The following ZFP1 variants were observed in gnomAD, a reference collection of about 807,000 sequenced individuals.
ZFP1 encodes the protein ZFP1 zinc finger protein, also known as zinc finger protein 1 homolog.
Under a neutral mutation model 38.5 loss-of-function variants are expected in ZFP1, and 32 were observed. That is an observed-to-expected ratio of 0.83 (90% CI 0.63 to 1.12). The LOEUF is 1.12. Among genes scored for constraint, ZFP1 ranks in the 50% most tolerant of loss-of-function variants. The pLI is 0.00. For missense variants in ZFP1, 616 were observed against 480.8 expected (o/e 1.28, Z -2.63); for synonymous variants, 245 against 168.8 (o/e 1.45, Z -3.50).
chr16:75,170,645 C>A lies in ZFP1; in HGVS notation c.*311C>A. The stretch of plus-strand genomic sequence containing the variant: ...GCATAAGAAATATACAAACAGTATC[C>A]TATGAATTTAGTGGTTTTATGTGGA... On this transcript the variant is annotated 3_prime_UTR_variant, in exon 4 of 4. Coordinates refer to ENST00000570010, the MANE Select transcript of ZFP1 (RefSeq NM_153688.4). 4.2e-6 allele frequency: 1 copy of A among 239,290 alleles called. No individual in the cohort carries two copies. The highest frequency in any genetic ancestry group is 8.0e-6 in the Non-Finnish European group (1 of 124,862). 14.8% of individuals were successfully genotyped at this position (239,290 alleles called of 1,614,324 possible). A position where few individuals can be genotyped will look rare whatever the true frequency, so the allele number is the denominator to read the frequency against.
the ZFP1 span, among the ~76,000 whole-genome samples, chr16:75,122,512 C>G: frequency 6.6e-6 from 1 of 152,160 alleles, no homozygotes; most frequent in Non-Finnish European, 1.5e-5. Flanking sequence ...GGAAGCTAAA[C>G]TTTAAAATGG....
At chr16:75,156,219 C>T (rs1048398952) in intron 2 of ZFP1, among the ~76,000 whole-genome samples, 1 of 151,996 alleles carries the variant, frequency 6.6e-6, no homozygotes, top group African/African-American at 2.4e-5. Context: ...TTTGGGAGGC[C>T]GAGGTTGGTG....
At chr16:75,149,974 G>C (rs1467552930) in intron 1 of ZFP1, among the ~76,000 whole-genome samples, 3 of 150,058 alleles carry the variant, frequency 2.0e-5, no homozygotes, top group Non-Finnish European at 4.4e-5. Flanking sequence ...TAGTAGAGAC[G>C]GGGTTTCACC....
chr16:75,166,256 A>T (rs1567538369), intron 2 of ZFP1, among the ~76,000 whole-genome samples: 2 of 152,194 alleles, frequency 1.3e-5, no homozygotes, highest in Non-Finnish European at 2.9e-5. Context: ...ATTTTTTGAG[A>T]CAGTCTTACT....
At chr16:75,127,892 C>G in the ZFP1 span, 1 of 152,142 alleles carries the variant, frequency 6.6e-6, no homozygotes, top group Non-Finnish European at 1.5e-5. Context: ...TACTCAAGAA[C>G]AAAATTCAGA....
rs148482862 is a variant in ZFP1, at chr16:75,166,925, C to T, written c.142+29C>T. On this transcript the variant is annotated intron_variant, in intron 3 of 3. Coordinates refer to ENST00000570010, the MANE Select transcript of ZFP1 (RefSeq NM_153688.4). ...AGGACGGTTTTCAGGTACAGCTCAC[C>T]ATGTGCCTAGAGGTATTTATGTCCT... The T allele has an allele frequency of 5.7e-5, 91 of 1,607,644 alleles. 1 individual carries two copies. In the African/African-American group the frequency reaches 9.6e-4, roughly 17 times the overall value.
chr16:75,129,052 AG>A, the ZFP1 span, among the ~76,000 whole-genome samples: 18 of 152,216 alleles, frequency 1.2e-4, no homozygotes, highest in East Asian at 3.5e-3. Flanking sequence ...AGCCTCCCAA[AG>A]TGCTGGGATT....
At chr16:75,158,820 G>A (rs1486701676) in intron 2 of ZFP1, among the ~76,000 whole-genome samples, 2 of 150,884 alleles carry the variant, frequency 1.3e-5, no homozygotes, top group Admixed American at 1.3e-4. Flanking sequence ...TTCGTCTGAA[G>A]TGTTTATGGG....
rs778114853 is a variant in ZFP1 at position 75,170,057 on chromosome 16, A to G, written c.947A>G (p.Lys316Arg). 7 of 1,614,110 alleles carry G rather than the reference A, an allele frequency of 4.3e-6. No individual in the cohort carries two copies. The highest frequency in any genetic ancestry group is 5.9e-6 in the Non-Finnish European group (7 of 1,180,006). Residue 316 changes from lysine to arginine, a missense_variant, in exon 4 of 4, where the codon AAG becomes AGG. Physicochemically the swap from Lys to Arg is conservative, Grantham distance 26 (BLOSUM62 2). Transcript: ENST00000570010. ...FKKSNLIIHQ[K>R]IHTGEKRYEC... ...AAGTCAAACCTTATCATACATCAGA[A>G]GATTCACACGGGGGAGAAACGCTAT... is the stretch of plus-strand genomic sequence containing the variant.
At chr16:75,136,363 C>T in the ZFP1 span, among the ~76,000 whole-genome samples, 5 of 152,208 alleles carry the variant, frequency 3.3e-5, no homozygotes, top group South Asian at 2.1e-4. Context: ...GGATACTCGT[C>T]GACAGTCCTA....
intron 1 of ZFP1, among the ~76,000 whole-genome samples, chr16:75,151,545 T>C (rs886213782): frequency 1.3e-5 from 2 of 152,228 alleles, no homozygotes; most frequent in African/African-American, 4.8e-5. Context: ...CCCTAAAGTT[T>C]AGTGGAACTT....
the ZFP1 span, among the ~76,000 whole-genome samples, chr16:75,141,927 G>A: frequency 5.3e-5 from 8 of 151,476 alleles, no homozygotes; most frequent in South Asian, 2.1e-4. Flanking sequence ...GATGGTGGGC[G>A]CCTGTAATCC....
chr16:75,165,941 G>GT (rs1345181789), intron 2 of ZFP1, among the ~76,000 whole-genome samples: 1 of 152,004 alleles, frequency 6.6e-6, no homozygotes, highest in East Asian at 1.9e-4. Context: ...GATATTTACT[G>GT]ACATTTTTTG....
chr16:75,168,293 T>TTTGAC (rs2038210959), intron 3 of ZFP1, among the ~76,000 whole-genome samples: 1 of 152,160 alleles, frequency 6.6e-6, no homozygotes, highest in Non-Finnish European at 1.5e-5. Context: ...GTATCTGTTG[T>TTTGAC]TTGACTTAAT....
intron 2 of ZFP1, among the ~76,000 whole-genome samples, chr16:75,159,409 ATTT>A (rs59866485): frequency 6.3e-4 from 37 of 59,142 alleles, no homozygotes; most frequent in Middle Eastern, 8.2e-3. Context: ...CTCACTTTTC[ATTT>A]TTTTTTTTTT....
At chr16:75,161,271 G>C (rs770980180) in intron 2 of ZFP1, among the ~76,000 whole-genome samples, 6 of 151,990 alleles carry the variant, frequency 3.9e-5, no homozygotes, top group Admixed American at 6.5e-5. Flanking sequence ...GTTTCTCCAC[G>C]TTGTCCAGGC....
intron 2 of ZFP1, among the ~76,000 whole-genome samples, chr16:75,157,908 A>G (rs1267050853): frequency 6.6e-6 from 1 of 151,858 alleles, no homozygotes; most frequent in Non-Finnish European, 1.5e-5. Flanking sequence ...TGATCCTCCC[A>G]GTATTTGGAA....
rs771055199 is a variant in ZFP1, at chr16:75,170,202, G to A, written c.1092G>A (p.Arg364=). The part of the protein sequence containing the change: ...CTECGKTFSQ[R]STLRLHLRIH... ...AGTGCGGCAAAACTTTCAGCCAGAG[G>A]TCAACTCTTAGATTACACTTGCGAA... Residue 364 remains arginine, a synonymous_variant, in exon 4 of 4, where the codon AGG becomes AGA. Transcript: ENST00000570010. 6.7e-5 allele frequency: 108 copies of A among 1,613,976 alleles called. No homozygotes were observed. The highest frequency in any genetic ancestry group is 1.6e-4 in the Middle Eastern group (1 of 6,084).
chr16:75,131,255 T>A, the ZFP1 span, among the ~76,000 whole-genome samples: 3 of 151,934 alleles, frequency 2.0e-5, no homozygotes, highest in Admixed American at 1.3e-4. Context: ...GCTTTCAGGA[T>A]GGGATGGGGT....
Sources: allele counts gnomAD v4.1 joint callset (sites outside exome capture counted in the v4.1 genomes callset), GRCh38; gene constraint gnomAD v4.1.1; transcripts MANE v1.5; gene names NCBI Gene and HGNC (gene_info 2026-07-23, HGNC 2026-07-21).